TMEM200C: variants seen among roughly 807,000 people sequenced by gnomAD.
TMEM200C encodes transmembrane protein 200C.
For missense variants in TMEM200C, 966 were observed against 699.9 expected, an observed-to-expected ratio of 1.38 and a Z score of -4.29; for synonymous variants, 462 against 324.7, an observed-to-expected ratio of 1.42 and a Z score of -4.55.
exon 3 of TMEM200C, chr18:5,883,967 AGTTT>A (rs1434328834): frequency 6.6e-6 from 1 of 152,162 alleles, no homozygotes; most frequent in Non-Finnish European, 1.5e-5. Context: ...ATAAGAATTT[AGTTT>A]GTTAGTTCTA....
At chr18:5,894,785 T>C (rs745486271) in intron 2 of TMEM200C, among the ~76,000 whole-genome samples, 10 of 152,104 alleles carry the variant, frequency 6.6e-5, no homozygotes, top group Non-Finnish European at 1.3e-4. Context: ...GTCACATGAG[T>C]GCAGCAGCTG....
exon 3 of TMEM200C, chr18:5,888,774 C>T (rs1940598): frequency 0.17 from 25,668 of 152,170 alleles, 2,661 homozygotes; most frequent in African/African-American, 0.27. Context: ...CCTCCTCTGA[C>T]CCTGACCCTG....
At chr18:5,893,877 C>T in intron 2 of TMEM200C, among the ~76,000 whole-genome samples, 1 of 151,998 alleles carries the variant, frequency 6.6e-6, no homozygotes, top group Non-Finnish European at 1.5e-5. Context: ...CATCTATAAA[C>T]CTTTAAGCTG....
Position 5,891,387 on chromosome 18 carries a change from G to C in TMEM200C, c.677C>G (p.Ala226Gly). The change falls in exon 3 of 3, where the codon GCG (alanine) becomes GGG (glycine). Residue 226 changes from alanine to glycine, a missense_variant. Transcript: ENST00000581347. The surrounding 1 kb of genome is among the most constrained non-coding windows in gnomAD (Gnocchi z 4.7). ...CGACGACGAAGAGGCGGCGGCGGCC[G>C]CGGCGGCGGCCGCGGCGGCCGCCAG... The C allele has an allele frequency of 7.5e-7, 1 of 1,338,810 alleles. No homozygotes were observed. Among genetic ancestry groups the C allele is most frequent in the Non-Finnish European group, 9.5e-7 (1 of 1,050,266 alleles). The allele number at this position is 1,338,810 out of a possible 1,614,324, so 82.9% of individuals were successfully genotyped here. A position where few individuals can be genotyped will look rare whatever the true frequency, so the allele number is the denominator to read the frequency against.
rs1284780999 is a variant in TMEM200C, at chr18:5,891,288, A to G, written c.776T>C (p.Leu259Pro). 1.4e-6 allele frequency: 2 copies of G among 1,413,670 alleles called. No individual in the cohort carries two copies. Among genetic ancestry groups the G allele is most frequent in the Admixed American group, 2.6e-5 (1 of 38,000 alleles). The allele number at this position is 1,413,670 out of a possible 1,614,324, so 87.6% of individuals were successfully genotyped here. The change falls in exon 3 of 3, where the codon CTG (leucine) becomes CCG (proline). Residue 259 changes from leucine (L) to proline (P), a missense_variant. Leu to Pro is a moderately conservative substitution (Grantham distance 98). Coordinates refer to ENST00000581347, the Ensembl canonical transcript of TMEM200C. This position sits in a 1 kb window ranked among gnomAD's most constrained non-coding sequence, Gnocchi z 4.7. The stretch of plus-strand genomic sequence containing the variant: ...ACCGCAGCCCCCGGGCTTCAGCTCC[A>G]GGCCCCGCGACTGCACGTAGCTGAG...
At chr18:5,890,887 C>T (rs1274492480) in exon 3 of TMEM200C, 2 of 682,664 alleles carry the variant, frequency 2.9e-6, no homozygotes, top group East Asian at 2.9e-5. Context: ...CCCTCCGCGT[C>T]CCCGCCCCTA....
intron 2 of TMEM200C, among the ~76,000 whole-genome samples, chr18:5,893,652 T>C (rs2095173265): frequency 6.6e-6 from 1 of 152,310 alleles, no homozygotes; most frequent in South Asian, 2.1e-4. Flanking sequence ...GTGTGGTAGG[T>C]AGAATTTTGC....
At chr18:5,888,283 A>G (rs560724758) in exon 3 of TMEM200C, 5 of 152,332 alleles carry the variant, frequency 3.3e-5, no homozygotes, top group Non-Finnish European at 7.3e-5. Context: ...GTGCAAACTC[A>G]CTTTTGCTTT....
chr18:5,882,727 A>G (rs1210740663), exon 3 of TMEM200C: 2 of 152,142 alleles, frequency 1.3e-5, no homozygotes, highest in Non-Finnish European at 2.9e-5. Context: ...TACTATCACT[A>G]TAAATGCATT....
At position 5,891,864 on chromosome 18, in the gene TMEM200C, A is replaced by G. The variant is rs868611698; in HGVS notation, c.200T>C (p.Ile67Thr). ...CCAGTAGCCCACCACCGCCATGGCT[A>G]TGCCCACCAGCAGCACCAGGATCCC... is the stretch of plus-strand genomic sequence containing the variant. Residue 67 changes from isoleucine (I) to threonine (T), a missense_variant, in exon 3 of 3, where the codon ATA (isoleucine) becomes ACA (threonine). By Grantham distance (89) the Ile-to-Thr change is moderately conservative. Transcript: ENST00000581347. This position sits in a 1 kb window ranked among gnomAD's most constrained non-coding sequence, Gnocchi z 4.7. 4 of 1,610,480 alleles carry G rather than the reference A, an allele frequency of 2.5e-6. No homozygotes were observed. In the African/African-American group the frequency reaches 4.0e-5, roughly 16 times the overall value.
At chr18:5,882,390 G>A (rs1336275254) in exon 3 of TMEM200C, 1 of 152,042 alleles carries the variant, frequency 6.6e-6, no homozygotes, top group Non-Finnish European at 1.5e-5. Flanking sequence ...GGCAGGTATA[G>A]CATTATTAAA....
chr18:5,891,219 C>A lies in TMEM200C; in HGVS notation c.845G>T (p.Gly282Val). 1.6e-6 allele frequency: 2 copies of A among 1,237,872 alleles called. No individual in the cohort carries two copies. The highest frequency in any genetic ancestry group is 3.0e-4 in the Middle Eastern group (1 of 3,318). The allele number at this position is 1,237,872 out of a possible 1,614,324, so 76.7% of individuals were successfully genotyped here. Reference sequence around the variant, plus strand: ...CGCCGCGGGGTGAGGAGGCCACGAGCCCTTGGCCAGCATCGCCGCCGCTCC... The same window carrying A: ...CGCCGCGGGGTGAGGAGGCCACGAGACCTTGGCCAGCATCGCCGCCGCTCC... Residue 282 changes from glycine to valine, a missense_variant, in exon 3 of 3, where the codon GGC (glycine) becomes GTC (valine). Gly to Val is a moderately radical substitution (Grantham distance 109). Transcript: ENST00000581347. The surrounding 1 kb of genome is among the most constrained non-coding windows in gnomAD (Gnocchi z 4.7).
At chr18:5,894,522 G>A (rs1450082637) in intron 2 of TMEM200C, among the ~76,000 whole-genome samples, 1 of 152,192 alleles carries the variant, frequency 6.6e-6, no homozygotes. Flanking sequence ...TGGTCTTACC[G>A]TGGTTAAAGA....
At position 5,891,445 on chromosome 18, in the gene TMEM200C, C is replaced by T. The variant is rs970536952; in HGVS notation, c.619G>A (p.Val207Ile). Residue 207 changes from valine to isoleucine, a missense_variant, in exon 3 of 3, where the codon GTC (valine) becomes ATC (isoleucine). Transcript: ENST00000581347. The surrounding 1 kb of genome is among the most constrained non-coding windows in gnomAD (Gnocchi z 4.7). ...GCGCGGAGGCTGTGCACGTCGATGA[C>T]GGTGGAGTAGAGGTCCCGCAGGTTG... 1.3e-6 allele frequency: 2 copies of T among 1,554,050 alleles called. No homozygotes were observed. The highest frequency in any genetic ancestry group is 1.7e-6 in the Non-Finnish European group (2 of 1,149,480).
At chr18:5,893,631 C>G (rs965576514) in intron 2 of TMEM200C, among the ~76,000 whole-genome samples, 2 of 152,132 alleles carry the variant, frequency 1.3e-5, no homozygotes, top group African/African-American at 4.8e-5. Context: ...AATAAATTCC[C>G]CCTTGAAAAT....
exon 3 of TMEM200C, chr18:5,884,368 C>T (rs949670127): frequency 2.0e-5 from 3 of 152,110 alleles, no homozygotes; most frequent in Admixed American, 6.5e-5. Context: ...ACATTTTCTT[C>T]ATTTCTCAAG....
At chr18:5,895,625 C>G (rs1296555369) in intron 1 of TMEM200C, 103 bp from the exon 1 acceptor site, 1 of 144,036 alleles carries the variant, frequency 6.9e-6, no homozygotes, top group African/African-American at 2.5e-5. Flanking sequence ...CGCCGGCCTT[C>G]CCCGCTCCCC....
exon 3 of TMEM200C, chr18:5,892,030 C>A (rs1422402189): frequency 1.2e-6 from 2 of 1,613,736 alleles, no homozygotes; most frequent in African/African-American, 1.3e-5. Context: ...TGCTTTCTGG[C>A]GGAAATCCTT....
chr18:5,882,449 C>T (rs1308919838), exon 3 of TMEM200C: 3 of 152,072 alleles, frequency 2.0e-5, no homozygotes, highest in African/African-American at 7.2e-5. Flanking sequence ...AAAGCATTCA[C>T]CAGCATCTCT....
Sources: allele counts gnomAD v4.1 joint callset (sites outside exome capture counted in the v4.1 genomes callset), GRCh38; gene constraint gnomAD v4.1.1; non-coding constraint Gnocchi (gnomAD v3.1); transcripts MANE v1.5; gene names NCBI Gene and HGNC (gene_info 2026-07-23, HGNC 2026-07-21).